Variants in KCNIP4 observed in about 807,000 individuals in gnomAD.
KCNIP4 encodes potassium voltage-gated channel interacting protein 4, also known as Kv channel-interacting protein 4.
In KCNIP4, 12 loss-of-function variants were observed where a neutral mutation model predicts 34.0. The ratio of observed to expected loss-of-function variants is 0.35; its 90% CI spans 0.23 to 0.57. The LOEUF (loss-of-function observed/expected upper bound fraction) is 0.57, where lower values mean the gene tolerates loss of function less well. Ranked by LOEUF, KCNIP4 falls within the 20% of genes least tolerant of loss-of-function variation. The probability of loss-of-function intolerance (pLI) is 0.83; values close to 1 mark genes in which losing one functional copy is unlikely to be tolerated. For missense variants in KCNIP4, 238 were observed against 311.7 expected (o/e 0.76, Z 1.78); for synonymous variants, 124 against 102.2 (o/e 1.21, Z -1.29).
rs58544791 is a variant in KCNIP4, at chr4:21,169,660, TTGTGTGTGTGTGTGTGTG to T, written c.62-286969_62-286952del. ...ATATGTATGTAGTCATACTTTATAT[TTGTGTGTGTGTGTGTGTG>T]TGTGTGTGTGTGTGTGTGTGTGTGT... On this transcript the variant is annotated intron_variant, in intron 1 of 8. Coordinates refer to ENST00000382152, the MANE Select transcript of KCNIP4 (RefSeq NM_025221.6). Among the ~76,000 whole-genome samples, 23 of 136,298 alleles carry T rather than the reference TTGTGTGTGTGTGTGTGTG, an allele frequency of 1.7e-4. No individual in the cohort carries two copies. In the East Asian group the frequency reaches 3.5e-3, roughly 20 times the overall value. 89.4% of individuals were successfully genotyped at this position (136,298 alleles called of 152,430 possible).
At chr4:21,488,330 C>T (rs1027798851) in intron 1 of KCNIP4, among the ~76,000 whole-genome samples, 5 of 152,258 alleles carry the variant, frequency 3.3e-5, no homozygotes, top group African/African-American at 1.2e-4. Flanking sequence ...TTCCAGTATA[C>T]ATCTATAGCA....
At chr4:21,210,348 C>T (rs570520339) in intron 1 of KCNIP4, among the ~76,000 whole-genome samples, 7 of 152,224 alleles carry the variant, frequency 4.6e-5, no homozygotes, top group South Asian at 2.1e-4. Flanking sequence ...TCTCCCTCAG[C>T]GAGATTTTCT....
intron 1 of KCNIP4, among the ~76,000 whole-genome samples, chr4:21,908,157 A>G (rs1269125768): frequency 6.6e-6 from 1 of 152,188 alleles, no homozygotes; most frequent in Non-Finnish European, 1.5e-5. Flanking sequence ...TTCAGAATAT[A>G]TGAACACTTG....
intron 1 of KCNIP4, among the ~76,000 whole-genome samples, chr4:20,886,642 C>T (rs995884454): frequency 2.0e-5 from 3 of 152,132 alleles, no homozygotes; most frequent in African/African-American, 4.8e-5. Context: ...CACTGAGCAC[C>T]TCTGGCGTTG....
rs191816283 is a variant in KCNIP4 at position 21,709,161 on chromosome 4, T to C, written c.61+239410A>G. Among the ~76,000 whole-genome samples the C allele has an allele frequency of 2.2e-3, 330 of 152,212 alleles. 2 individuals are homozygous for C. The highest frequency in any genetic ancestry group is 6.9e-3 in the African/African-American group (287 of 41,546). On this transcript the variant is annotated intron_variant, in intron 1 of 8. Coordinates refer to ENST00000382152, the MANE Select transcript of KCNIP4 (RefSeq NM_025221.6). The stretch of plus-strand genomic sequence containing the variant: ...AAAACAATTGTGAGTCTGGGGTAAC[T>C]AAGTGAAGGACAACAGCATAATAAA...
intron 1 of KCNIP4, among the ~76,000 whole-genome samples, chr4:21,654,630 A>T (rs945877631): frequency 6.6e-6 from 1 of 152,130 alleles, no homozygotes. Context: ...TAAATGTTTC[A>T]TTAGAAAACT....
chr4:21,247,735 G>GAGATATATATAT (rs796243156), intron 1 of KCNIP4, among the ~76,000 whole-genome samples: 1 of 61,364 alleles, frequency 1.6e-5, no homozygotes, highest in Non-Finnish European at 2.8e-5. Context: ...TCCACAGGTG[G>GAGATATATATAT]ATATATATAT....
intron 1 of KCNIP4, among the ~76,000 whole-genome samples, chr4:21,417,991 A>G (rs1210008810): frequency 6.6e-6 from 1 of 152,156 alleles, no homozygotes; most frequent in Non-Finnish European, 1.5e-5. Flanking sequence ...TGTTGGATTG[A>G]TCTATGTTTT....
At position 21,948,516 on chromosome 4, in the gene KCNIP4, C is replaced by A. The variant is rs898100648; in HGVS notation, c.61+55G>T. On this transcript the variant is annotated intron_variant, in intron 1 of 8. Transcript: ENST00000382152. ...AAGGGAAGGGGCAGCCGTCTTGGCT[C>A]GCGAGGGAAGGAGGGCGGAAGCGGG... The A allele has an allele frequency of 7.0e-6, 11 of 1,573,404 alleles. No individual in the cohort carries two copies. In the African/African-American group the frequency reaches 8.1e-5, roughly 12 times the overall value.
chr4:20,980,618 A>G (rs1735971453), intron 1 of KCNIP4, among the ~76,000 whole-genome samples: 1 of 152,180 alleles, frequency 6.6e-6, no homozygotes, highest in Non-Finnish European at 1.5e-5. Flanking sequence ...CAACATTAAT[A>G]TGGGCCCTCT....
At chr4:21,786,854 C>T (rs1719949300) in intron 1 of KCNIP4, among the ~76,000 whole-genome samples, 1 of 151,988 alleles carries the variant, frequency 6.6e-6, no homozygotes, top group Non-Finnish European at 1.5e-5. Flanking sequence ...CCTGAGCCAC[C>T]GTGCCCCGCC....
intron 1 of KCNIP4, chr4:21,697,486 T>TAAC (rs1560640277): frequency 1.5e-6 from 2 of 1,366,900 alleles, no homozygotes. Context: ...TCTTTGCCAA[T>TAAC]AATAATAATA....
At chr4:20,789,308 T>C (rs1278558197) in intron 3 of KCNIP4, among the ~76,000 whole-genome samples, 2 of 152,046 alleles carry the variant, frequency 1.3e-5, no homozygotes, top group African/African-American at 4.8e-5. Flanking sequence ...AGATCCAGAA[T>C]TCATGTATTT....
intron 1 of KCNIP4, among the ~76,000 whole-genome samples, chr4:21,262,339 G>T (rs891531012): frequency 2.6e-5 from 4 of 152,022 alleles, no homozygotes; most frequent in Non-Finnish European, 4.4e-5. Context: ...ACTCCCAACT[G>T]CCAGCATCTG....
intron 1 of KCNIP4, among the ~76,000 whole-genome samples, chr4:21,722,374 G>T (rs1050954856): frequency 5.3e-5 from 8 of 152,058 alleles, no homozygotes; most frequent in African/African-American, 1.7e-4. Context: ...TTACTAAAAA[G>T]AATTTGCAAT....
intron 1 of KCNIP4, among the ~76,000 whole-genome samples, chr4:20,933,266 AT>A (rs1730676897): frequency 6.6e-6 from 1 of 152,190 alleles, no homozygotes. Context: ...ATATAAAAAA[AT>A]AAAAATACAG....
intron 1 of KCNIP4, among the ~76,000 whole-genome samples, chr4:21,112,912 A>G (rs1198677472): frequency 6.6e-6 from 1 of 152,052 alleles, no homozygotes; most frequent in Non-Finnish European, 1.5e-5. Flanking sequence ...TCCCACTGAT[A>G]TTAAGATAGC....
At chr4:20,818,468 T>C (rs1716693329) in intron 3 of KCNIP4, among the ~76,000 whole-genome samples, 1 of 152,202 alleles carries the variant, frequency 6.6e-6, no homozygotes, top group Non-Finnish European at 1.5e-5. Flanking sequence ...CCTTGGTATG[T>C]CTTGTCAGTG....
intron 1 of KCNIP4, among the ~76,000 whole-genome samples, chr4:21,474,382 T>G (rs1730736977): frequency 6.6e-6 from 1 of 152,206 alleles, no homozygotes; most frequent in Non-Finnish European, 1.5e-5. Flanking sequence ...AATGTTTTTA[T>G]GCTGACTTTA....
Sources: allele counts gnomAD v4.1 joint callset (sites outside exome capture counted in the v4.1 genomes callset), GRCh38; gene constraint gnomAD v4.1.1; transcripts MANE v1.5; gene names NCBI Gene and HGNC (gene_info 2026-07-23, HGNC 2026-07-21).